Variants in UEVLD observed in about 807,000 individuals in gnomAD.
UEVLD encodes the protein ubiquitin-conjugating enzyme E2 variant 3.
UEVLD carries 47 observed loss-of-function variants against 58.6 expected under a neutral mutation model. The ratio of observed to expected loss-of-function variants is 0.80; its 90% CI spans 0.63 to 1.02. The LOEUF (loss-of-function observed/expected upper bound fraction) is 1.02, where lower values mean the gene tolerates loss of function less well. UEVLD is among the 50% of genes least tolerant of loss of function. UEVLD has a pLI of 0.00. For synonymous variants in UEVLD, 197 were observed against 195.3 expected, an observed-to-expected ratio of 1.01 and a Z score of -0.07; for missense variants, 510 against 550.6, an observed-to-expected ratio of 0.93 and a Z score of 0.74.
chr11:18,582,369 A>C (rs549289831), intron 1 of UEVLD, among the ~76,000 whole-genome samples: 1 of 143,756 alleles, frequency 7.0e-6, no homozygotes, highest in Non-Finnish European at 1.5e-5. Context: ...CCGAGCCAAA[A>C]AGTACCTGTT....
chr11:18,584,868 T>A (rs1015152794), intron 1 of UEVLD, among the ~76,000 whole-genome samples: 1 of 152,166 alleles, frequency 6.6e-6, no homozygotes, highest in Non-Finnish European at 1.5e-5. Flanking sequence ...CCTGACCTCG[T>A]GATCTGCATG....
At chr11:18,558,522 G>A (rs1442369102) in intron 6 of UEVLD, among the ~76,000 whole-genome samples, 192 bp from the exon 7 acceptor site, 1 of 152,116 alleles carries the variant, frequency 6.6e-6, no homozygotes, top group Non-Finnish European at 1.5e-5. Flanking sequence ...GGGCTTGGTG[G>A]CCTGTAATCC....
intron 3 of UEVLD, among the ~76,000 whole-genome samples, chr11:18,574,225 T>C (rs1056705387): frequency 1.3e-5 from 2 of 152,222 alleles, no homozygotes; most frequent in Admixed American, 6.5e-5. Flanking sequence ...CACTGCAACC[T>C]CTGTCTCCTG....
At chr11:18,554,154 C>T (rs1394323191) in intron 7 of UEVLD, among the ~76,000 whole-genome samples, 2 of 152,116 alleles carry the variant, frequency 1.3e-5, no homozygotes, top group Admixed American at 6.6e-5. Context: ...TGCAATGGCA[C>T]GATCTCGGCT....
At position 18,532,445 on chromosome 11, in the gene UEVLD, A is replaced by G; in HGVS notation, c.1291T>C (p.Cys431Arg). Residue 431 changes from cysteine to arginine, a missense_variant, in exon 12 of 12, where the codon TGC becomes CGC. Physicochemically the swap from Cys to Arg is radical, Grantham distance 180 (BLOSUM62 -3). Coordinates refer to ENST00000396197, the MANE Select transcript of UEVLD (RefSeq NM_001040697.4). ...GATACTCCATTGGTTCCAAGGATGC[A>G]AGGCAAACTTAAAAACACTTCACTA... ...INSEVFLSLP[C>R]ILGTNGVSEV... 6.2e-7 allele frequency: 1 copy of G among 1,613,156 alleles called. No individual in the cohort carries two copies. The highest frequency in any genetic ancestry group is 8.5e-7 in the Non-Finnish European group (1 of 1,179,598).
At chr11:18,581,044 C>T (rs892120343) in intron 1 of UEVLD, among the ~76,000 whole-genome samples, 3 of 151,942 alleles carry the variant, frequency 2.0e-5, no homozygotes, top group African/African-American at 7.3e-5. Flanking sequence ...CGACTATAAT[C>T]CCAGCTACTT....
intron 1 of UEVLD, among the ~76,000 whole-genome samples, chr11:18,580,697 G>A (rs1223211661): frequency 6.6e-6 from 1 of 150,578 alleles, no homozygotes; most frequent in Non-Finnish European, 1.5e-5. Context: ...GAGACACAAA[G>A]GCTATATATT....
At chr11:18,533,695 TTTTG>T (rs1248726334) in intron 11 of UEVLD, among the ~76,000 whole-genome samples, 3 of 152,176 alleles carry the variant, frequency 2.0e-5, no homozygotes, top group Admixed American at 6.6e-5. Context: ...TCCACACTTT[TTTTG>T]TTTGTTTGTT....
At chr11:18,560,568 T>C (rs766095796) in intron 6 of UEVLD, among the ~76,000 whole-genome samples, 4 of 152,116 alleles carry the variant, frequency 2.6e-5, no homozygotes, top group Non-Finnish European at 5.9e-5. Flanking sequence ...GAGTACAATA[T>C]TAAGGATATT....
intron 7 of UEVLD, among the ~76,000 whole-genome samples, chr11:18,552,951 C>T (rs1233974012): frequency 1.3e-5 from 2 of 151,624 alleles, no homozygotes; most frequent in East Asian, 1.9e-4. Flanking sequence ...GTCAGCAGAT[C>T]GAGACCATCC....
At position 18,577,191 on chromosome 11, in the gene UEVLD, C is replaced by A. The variant is rs142012937; in HGVS notation, c.127+1533G>T. 7.7e-3 allele frequency among the ~76,000 whole-genome samples: 1,176 copies of A among 152,008 alleles called. 13 individuals carry two copies. Among genetic ancestry groups the A allele is most frequent in the African/African-American group, 0.027 (1,124 of 41,438 alleles). ...AGACAGTGACTACGTCTCAACAAAC[C>A]AACCAACCAACCAACCTCCAGTCTC... On this transcript the variant is annotated intron_variant, in intron 2 of 11. Transcript: ENST00000396197.
intron 6 of UEVLD, among the ~76,000 whole-genome samples, chr11:18,561,869 A>G (rs1248773753): frequency 6.6e-6 from 1 of 150,880 alleles, no homozygotes; most frequent in Non-Finnish European, 1.5e-5. Flanking sequence ...ACTGCACTCC[A>G]GCCTGGGTGA....
intron 7 of UEVLD, among the ~76,000 whole-genome samples, chr11:18,551,876 T>G (rs1298016034): frequency 6.6e-6 from 1 of 152,232 alleles, no homozygotes; most frequent in Non-Finnish European, 1.5e-5. Context: ...TAATATTTCA[T>G]GCTTTAATAT....
intron 2 of UEVLD, among the ~76,000 whole-genome samples, chr11:18,577,871 C>CAA (rs550091645): frequency 1.2e-4 from 8 of 66,678 alleles, no homozygotes; most frequent in East Asian, 6.6e-4. Context: ...GACTCCATCT[C>CAA]AAAAAAAAAA....
At chr11:18,573,411 C>G (rs1483833204) in intron 3 of UEVLD, among the ~76,000 whole-genome samples, 1 of 152,174 alleles carries the variant, frequency 6.6e-6, no homozygotes, top group Non-Finnish European at 1.5e-5. Flanking sequence ...CCCTTCCCTT[C>G]CCTTTCTTTT....
At chr11:18,557,424 T>C (rs1851800522) in intron 7 of UEVLD, among the ~76,000 whole-genome samples, 1 of 152,142 alleles carries the variant, frequency 6.6e-6, no homozygotes, top group African/African-American at 2.4e-5. Flanking sequence ...AGTGCTGGGA[T>C]TACAGGCGTG....
Position 18,584,343 on chromosome 11 carries a change from A to C in UEVLD, c.42+4270T>G, listed in dbSNP as rs541573022. On this transcript the variant is annotated intron_variant, in intron 1 of 11. Transcript: ENST00000396197. Reference sequence around the variant, plus strand: ...GGCTGCAGTAAGCTATGATGGTACCACTGCACTCCAGCCTGGGAGACGGAG... The same window carrying C: ...GGCTGCAGTAAGCTATGATGGTACCCCTGCACTCCAGCCTGGGAGACGGAG... Among the ~76,000 whole-genome samples the C allele has an allele frequency of 3.1e-4, 47 of 152,278 alleles. 1 individual carries two copies. In the South Asian group the frequency reaches 6.0e-3, roughly 19 times the overall value.
intron 6 of UEVLD, among the ~76,000 whole-genome samples, chr11:18,559,688 A>G (rs533171774): frequency 6.6e-6 from 1 of 152,320 alleles, no homozygotes; most frequent in East Asian, 1.9e-4. Context: ...TTTCTTAAAA[A>G]AAGTATAATA....
In UEVLD at chr11:18,530,478, T is replaced by C. The variant is rs893924376; in HGVS notation, c.*1842A>G. ...CTAAAACAGCATTAGTTTGCCTATT[T>C]CCTCTTTACTAGGATGTGTCTGCCC... On this transcript the variant is annotated 3_prime_UTR_variant, in exon 12 of 12. Transcript: ENST00000396197. 5 of 152,220 alleles carry C rather than the reference T, an allele frequency of 3.3e-5. No individual in the cohort carries two copies. The highest frequency in any genetic ancestry group is 1.2e-4 in the African/African-American group (5 of 41,462). The allele number at this position is 152,220 out of a possible 1,614,324, so 9.4% of individuals were successfully genotyped here.
Sources: gnomAD v4.1 joint callset for allele counts (sites outside exome capture counted in the v4.1 genomes callset) on GRCh38, gnomAD v4.1.1 for gene constraint, MANE v1.5 for transcripts, NCBI Gene and HGNC (gene_info 2026-07-23, HGNC 2026-07-21) for gene names.